WDR7: variants seen among roughly 807,000 people sequenced by gnomAD.
The protein encoded by WDR7 is WD repeat-containing protein 7.
Under a neutral mutation model 169.4 loss-of-function variants are expected in WDR7, and 46 were observed. That is an observed-to-expected ratio of 0.27 (90% CI 0.21 to 0.35). The LOEUF (loss-of-function observed/expected upper bound fraction) is 0.35. WDR7 is among the 10% of genes least tolerant of loss of function. The pLI is 1.00. For synonymous variants in WDR7, 612 were observed against 666.8 expected (o/e 0.92, Z 1.27); for missense variants, 1,534 against 1,859.3 (o/e 0.83, Z 3.22).
At chr18:56,818,792 G>A (rs1030091650) in intron 20 of WDR7, among the ~76,000 whole-genome samples, 6 of 150,362 alleles carry the variant, frequency 4.0e-5, no homozygotes, top group African/African-American at 1.5e-4. Context: ...GGTAACTAGT[G>A]TTGTAGAGAG....
chr18:56,779,302 T>A, intron 17 of WDR7, 129 bp from the exon 18 acceptor site: 1 of 591,954 alleles, frequency 1.7e-6, no homozygotes, highest in Admixed American at 2.9e-5. Context: ...TACTATTAAA[T>A]TGAAATCATT....
intron 25 of WDR7, among the ~76,000 whole-genome samples, chr18:56,952,650 C>A (rs1038683182): frequency 2.0e-5 from 3 of 152,112 alleles, no homozygotes; most frequent in African/African-American, 7.2e-5. Flanking sequence ...ATTTTTGTAT[C>A]TGATGAAGTT....
At chr18:56,740,785 A>G (rs1248582338) in intron 14 of WDR7, among the ~76,000 whole-genome samples, 2 of 152,272 alleles carry the variant, frequency 1.3e-5, no homozygotes, top group East Asian at 3.9e-4. Context: ...TTTGCTTTCT[A>G]GAGACATTCT....
chr18:56,673,748 A>G (rs2025185405), intron 2 of WDR7, among the ~76,000 whole-genome samples: 1 of 151,774 alleles, frequency 6.6e-6, no homozygotes. Flanking sequence ...GGTGGAAAAA[A>G]TCACCTGAGC....
At position 56,731,586 on chromosome 18, in the gene WDR7, G is replaced by A. The variant is rs560600646; in HGVS notation, c.1978G>A (p.Ala660Thr). 4 of 1,613,784 alleles carry A rather than the reference G, an allele frequency of 2.5e-6. No individual in the cohort carries two copies. Among genetic ancestry groups the A allele is most frequent in the African/African-American group, 1.3e-5 (1 of 75,034 alleles). Residue 660 changes from alanine to threonine, a missense_variant, in exon 14 of 28, where the codon GCA (alanine) becomes ACA (threonine). Ala to Thr is a moderately conservative substitution (Grantham distance 58). Transcript: ENST00000254442. ...TLATNLLASE[A>T]SDKGNLPKYS... is the part of the protein sequence containing the mutation. ...TGCAACTAACCTCTTGGCTTCTGAGGCATCTGACAAGGTAAGTTTTATATG... is the reference window on the plus strand; with the variant it reads ...TGCAACTAACCTCTTGGCTTCTGAGACATCTGACAAGGTAAGTTTTATATG...
intron 14 of WDR7, among the ~76,000 whole-genome samples, chr18:56,747,674 A>G (rs1175293373): frequency 6.6e-6 from 1 of 152,152 alleles, no homozygotes; most frequent in Admixed American, 6.5e-5. Flanking sequence ...CAGAAGAGAG[A>G]GGCTTGACAT....
At chr18:56,675,735 A>G (rs1018314334) in intron 2 of WDR7, among the ~76,000 whole-genome samples, 1 of 152,044 alleles carries the variant, frequency 6.6e-6, no homozygotes, top group African/African-American at 2.4e-5. Context: ...CACCTCCATA[A>G]CAATATTGAA....
At position 56,872,142 on chromosome 18, in the gene WDR7, C is replaced by G. The variant is rs551849716; in HGVS notation, c.3305-7802C>G. On this transcript the variant is annotated intron_variant, in intron 20 of 27. Transcript: ENST00000254442. The stretch of plus-strand genomic sequence containing the variant: ...AGTAGTCCATCTCTCATAAAACCGC[C>G]TTTAGCCTTAATTCAAATCCATTGA... Among the ~76,000 whole-genome samples, 332 of 152,188 alleles carry G rather than the reference C, an allele frequency of 2.2e-3. 3 individuals are homozygous for G. Among genetic ancestry groups the G allele is most frequent in the African/African-American group, 7.7e-3 (321 of 41,548 alleles).
At chr18:56,814,915 G>A (rs774131402) in intron 19 of WDR7, among the ~76,000 whole-genome samples, 3 of 151,988 alleles carry the variant, frequency 2.0e-5, no homozygotes, top group African/African-American at 4.8e-5. Flanking sequence ...ATAAGTAGTG[G>A]TACCAAAATG....
chr18:56,799,509 T>TG (rs968158532), intron 19 of WDR7, among the ~76,000 whole-genome samples: 2 of 152,238 alleles, frequency 1.3e-5, no homozygotes, highest in South Asian at 4.1e-4. Flanking sequence ...TTATGTGCTG[T>TG]GGGGGTCATA....
intron 19 of WDR7, among the ~76,000 whole-genome samples, chr18:56,811,140 A>G (rs1311980381): frequency 2.6e-5 from 4 of 152,228 alleles, no homozygotes; most frequent in East Asian, 1.9e-4. Flanking sequence ...GTATTGCTAT[A>G]TAATATTCTA....
At chr18:56,906,246 C>A (rs781668073) in intron 21 of WDR7, among the ~76,000 whole-genome samples, 1 of 152,082 alleles carries the variant, frequency 6.6e-6, no homozygotes, top group Non-Finnish European at 1.5e-5. Flanking sequence ...TCAGCAGGAT[C>A]CAGATTTGAG....
chr18:56,859,581 C>T (rs938301711), intron 20 of WDR7, among the ~76,000 whole-genome samples: 1 of 152,154 alleles, frequency 6.6e-6, no homozygotes, highest in Non-Finnish European at 1.5e-5. Flanking sequence ...ATGTAAGGTA[C>T]AAAAAGGCAG....
At chr18:56,948,383 T>C (rs1246130912) in intron 25 of WDR7, among the ~76,000 whole-genome samples, 2 of 152,108 alleles carry the variant, frequency 1.3e-5, no homozygotes, top group East Asian at 3.8e-4. Context: ...TTTATGGTTT[T>C]CAAAGACTTG....
chr18:56,985,549 A>C (rs572350970), intron 26 of WDR7, among the ~76,000 whole-genome samples: 23 of 152,226 alleles, frequency 1.5e-4, no homozygotes, highest in Admixed American at 1.2e-3. Context: ...GATACATTTT[A>C]ACTTCTCTAT....
intron 19 of WDR7, among the ~76,000 whole-genome samples, chr18:56,785,173 T>G (rs773691081): frequency 1.1e-4 from 17 of 152,156 alleles, no homozygotes; most frequent in Non-Finnish European, 2.4e-4. Context: ...GTTGAACAGA[T>G]TTGCTGTCCG....
At chr18:56,673,627 A>T (rs2025181849) in intron 2 of WDR7, among the ~76,000 whole-genome samples, 1 of 152,044 alleles carries the variant, frequency 6.6e-6, no homozygotes, top group South Asian at 2.1e-4. Context: ...TGAGTCCAGG[A>T]GTTTGAGACC....
chr18:56,800,671 C>A (rs1284777651), intron 19 of WDR7, among the ~76,000 whole-genome samples: 2 of 152,188 alleles, frequency 1.3e-5, no homozygotes, highest in African/African-American at 2.4e-5. Context: ...AGGAATATAA[C>A]TTTTATAATG....
intron 20 of WDR7, among the ~76,000 whole-genome samples, chr18:56,830,648 G>T (rs1354602760): frequency 1.3e-5 from 2 of 152,234 alleles, no homozygotes; most frequent in Non-Finnish European, 2.9e-5. Context: ...ATATATTTGT[G>T]TGGAAGTTCT....
Sources: allele counts gnomAD v4.1 joint callset (sites outside exome capture counted in the v4.1 genomes callset), GRCh38; gene constraint gnomAD v4.1.1; transcripts MANE v1.5; gene names NCBI Gene and HGNC (gene_info 2026-07-23, HGNC 2026-07-21).